FBXW11: variants seen among roughly 807,000 people sequenced by gnomAD.
FBXW11 encodes F-box and WD repeat domain containing 11.
A neutral mutation model predicts 77.6 loss-of-function variants in FBXW11; 19 were observed. That is an observed-to-expected ratio of 0.24 (90% confidence interval 0.17 to 0.36). FBXW11 has a LOEUF of 0.36. Among genes scored for constraint, FBXW11 ranks in the 10% least tolerant of loss-of-function variants. The probability of loss-of-function intolerance (pLI) is 1.00; values close to 1 mark genes in which losing one functional copy is unlikely to be tolerated. For synonymous variants in FBXW11, 235 were observed against 249.4 expected (o/e 0.94, Z 0.54); for missense variants, 334 against 704.2 (o/e 0.47, Z 5.95).
chr5:171,997,197 T>TTTTATGCC, intron 1 of FBXW11: 1 of 505,664 alleles, frequency 2.0e-6, no homozygotes, highest in Non-Finnish European at 3.3e-6. Context: ...CTATTTGGCA[T>TTTTATGCC]AAAATGCCTG....
intron 3 of FBXW11, 71 bp from the exon 4 acceptor site, chr5:171,910,868 A>G (rs1470765484): frequency 1.8e-6 from 2 of 1,102,664 alleles, no homozygotes; most frequent in African/African-American, 3.2e-5. Flanking sequence ...CATTAGAAAT[A>G]TTTTTCACCC....
chr5:171,916,519 T>G, intron 2 of FBXW11: 2 of 937,118 alleles, frequency 2.1e-6, no homozygotes, highest in Non-Finnish European at 2.5e-6. Context: ...GTGAAAGCAG[T>G]AAGTAATTCT....
At chr5:171,918,188 A>G (rs1030752252) in intron 2 of FBXW11, among the ~76,000 whole-genome samples, 2 of 152,040 alleles carry the variant, frequency 1.3e-5, no homozygotes, top group Non-Finnish European at 2.9e-5. Flanking sequence ...TAATTCCAAA[A>G]GTATAATACA....
chr5:171,930,771 AAAAAAG>A (rs1561695195), intron 2 of FBXW11, among the ~76,000 whole-genome samples: 1 of 149,726 alleles, frequency 6.7e-6, no homozygotes, highest in Non-Finnish European at 1.5e-5. Context: ...ATAAAAAAAA[AAAAAAG>A]AAAAACTGAA....
intron 2 of FBXW11, among the ~76,000 whole-genome samples, chr5:171,921,800 A>G (rs1190789890): frequency 6.6e-6 from 1 of 152,184 alleles, no homozygotes; most frequent in African/African-American, 2.4e-5. Context: ...GTACAGAGGC[A>G]TGATCATAGC....
intron 2 of FBXW11, among the ~76,000 whole-genome samples, chr5:171,930,458 T>C (rs1762110052): frequency 6.6e-6 from 1 of 152,162 alleles, no homozygotes; most frequent in Admixed American, 6.5e-5. Flanking sequence ...ATAAAAAATA[T>C]ACAGATTGAG....
chr5:171,980,534 A>AT (rs1022745477), intron 1 of FBXW11, among the ~76,000 whole-genome samples: 1 of 152,198 alleles, frequency 6.6e-6, no homozygotes, highest in Admixed American at 6.5e-5. Context: ...AGAAAACTCA[A>AT]TTTTTTTTAT....
chr5:171,933,764 T>G (rs1488071045), intron 2 of FBXW11, among the ~76,000 whole-genome samples: 2 of 152,210 alleles, frequency 1.3e-5, no homozygotes, highest in Non-Finnish European at 1.5e-5. Context: ...GGAATGCTCT[T>G]AAGCTAGGAA....
At chr5:171,939,747 C>A (rs577958496) in intron 2 of FBXW11, among the ~76,000 whole-genome samples, 34 of 147,840 alleles carry the variant, frequency 2.3e-4, no homozygotes, top group African/African-American at 8.1e-4. Flanking sequence ...TGTAAAGAAT[C>A]TTTAGTATGG....
chr5:171,886,929 C>T (rs1466008696), intron 7 of FBXW11, among the ~76,000 whole-genome samples: 3 of 152,022 alleles, frequency 2.0e-5, no homozygotes, highest in African/African-American at 7.2e-5. Flanking sequence ...GGAGGAGAAT[C>T]GCTCACTTGA....
At position 171,891,554 on chromosome 5, in the gene FBXW11, C is replaced by A; in HGVS notation, c.765G>T (p.Gln255His). The A allele has an allele frequency of 6.2e-7, 1 of 1,611,586 alleles. No homozygotes were observed. Among genetic ancestry groups the A allele is most frequent in the Non-Finnish European group, 8.5e-7 (1 of 1,179,156 alleles). The part of the protein sequence containing the change: ...RCGRHNLQRI[Q>H]CRSENSKGVY... The stretch of plus-strand genomic sequence containing the variant: ...CACCTTTACTATTTTCAGAGCGGCA[C>A]TGAATCCTCTGCAAGTTGTGTCGTC... Residue 255 changes from glutamine to histidine, a missense_variant, in exon 7 of 14, where the codon CAG (glutamine) becomes CAT (histidine). By Grantham distance (24) the Gln-to-His change is conservative. Around this residue, in one of 10 missense-constraint regions of FBXW11, gnomAD observed 70 missense variants for 136.6 expected, o/e 0.51. Coordinates refer to ENST00000517395, the MANE Select transcript of FBXW11 (RefSeq NM_001378974.1).
At chr5:171,891,813 C>T (rs1222871028) in intron 6 of FBXW11, among the ~76,000 whole-genome samples, 1 of 152,010 alleles carries the variant, frequency 6.6e-6, no homozygotes, top group Non-Finnish European at 1.5e-5. Context: ...CATTTGGCAA[C>T]CGTCATAGGA....
rs904797745 is a variant in FBXW11 at position 171,896,185 on chromosome 5, T to G, written c.714+2819A>C. On this transcript the variant is annotated intron_variant, in intron 6 of 13. Transcript: ENST00000517395. ...GAGCCAAATCTGGGAACGTACAGAT[T>G]ACAGGAGCTGGCACATAAGCCAAGC... is the stretch of plus-strand genomic sequence containing the variant. Among the ~76,000 whole-genome samples the G allele has an allele frequency of 2.6e-5, 4 of 152,218 alleles. No individual in the cohort carries two copies. The East Asian group carries it at 7.7e-4, about 29-fold the overall frequency.
intron 1 of FBXW11, among the ~76,000 whole-genome samples, chr5:171,987,453 G>A (rs115818359): frequency 6.6e-6 from 1 of 151,530 alleles, no homozygotes; most frequent in Non-Finnish European, 1.5e-5. Flanking sequence ...GGTTTTTTTT[G>A]TTTGTTTGTT....
At chr5:171,879,255 C>A (rs966722848) in intron 7 of FBXW11, among the ~76,000 whole-genome samples, 1 of 152,298 alleles carries the variant, frequency 6.6e-6, no homozygotes, top group South Asian at 2.1e-4. Context: ...TACACACTTA[C>A]GGTTCCTCCC....
At chr5:171,976,299 T>C (rs964139022) in intron 1 of FBXW11, among the ~76,000 whole-genome samples, 7 of 152,288 alleles carry the variant, frequency 4.6e-5, no homozygotes, top group African/African-American at 1.7e-4. Flanking sequence ...AATTACGAGA[T>C]GGTACTGAAA....
rs373893396 is a variant in FBXW11, at chr5:171,886,778, C to T, written c.852+4689G>A. Among the ~76,000 whole-genome samples, 175 of 152,110 alleles carry T rather than the reference C, an allele frequency of 1.2e-3. 1 individual carries two copies. Among genetic ancestry groups the T allele is most frequent in the African/African-American group, 4.0e-3 (164 of 41,506 alleles). On this transcript the variant is annotated intron_variant, in intron 7 of 13. Transcript: ENST00000517395. Reference sequence around the variant, plus strand: ...CCTGTAATCTCAGCACTTTGGTAGGCCGAGGCAGGAGGATCATTTGAGGTC... The same window carrying T: ...CCTGTAATCTCAGCACTTTGGTAGGTCGAGGCAGGAGGATCATTTGAGGTC...
chr5:171,918,090 C>G (rs1278608275), intron 2 of FBXW11, among the ~76,000 whole-genome samples: 1 of 151,992 alleles, frequency 6.6e-6, no homozygotes, highest in Non-Finnish European at 1.5e-5. Flanking sequence ...AGGAAACACC[C>G]ACTTTGTTAA....
In FBXW11 at chr5:171,959,837, G is replaced by A. The variant is rs186810781; in HGVS notation, c.46-2139C>T. Among the ~76,000 whole-genome samples, 146 of 126,088 alleles carry A rather than the reference G, an allele frequency of 1.2e-3. 1 individual carries two copies. The highest frequency in any genetic ancestry group is 4.3e-3 in the African/African-American group (140 of 32,862). The allele number at this position is 126,088 out of a possible 152,430, so 82.7% of individuals were successfully genotyped here. On this transcript the variant is annotated intron_variant, in intron 1 of 13. Transcript: ENST00000517395. ...TGCACTCCAGCCCAAGCGACTGAGC[G>A]AGACTGCCTCAAAAAAAAAAAAAAG...
Sources: allele counts gnomAD v4.1 joint callset (sites outside exome capture counted in the v4.1 genomes callset), GRCh38; gene constraint gnomAD v4.1.1; regional missense constraint gnomAD v4.1.1; transcripts MANE v1.5; gene names NCBI Gene and HGNC (gene_info 2026-07-23, HGNC 2026-07-21).